MTTP: variants seen among roughly 807,000 people sequenced by gnomAD.
MTTP encodes the protein microsomal triglyceride transfer protein large subunit.
A neutral mutation model predicts 90.6 loss-of-function variants in MTTP; 49 were observed. The ratio of observed to expected loss-of-function variants is 0.54; its 90% CI spans 0.43 to 0.69. The LOEUF is 0.69. MTTP is among the 30% of genes least tolerant of loss of function. MTTP has a pLI of 0.00. For synonymous variants in MTTP, 347 were observed against 384.2 expected (o/e 0.90, Z 1.13); for missense variants, 945 against 1,067.5 (o/e 0.89, Z 1.60).
chr4:99,564,465 A>C lies in MTTP; in HGVS notation c.-102+228A>C, dbSNP rs1205892675. On this transcript the variant is annotated intron_variant, in intron 1 of 18. Transcript: ENST00000457717. ...ACAATAAAATGCATTTAAATTTAGA[A>C]TCTGTAAGGCTTTTTTATGGCTGAA... is the stretch of plus-strand genomic sequence containing the variant. The C allele has an allele frequency of 1.5e-5, 7 of 482,246 alleles. No homozygotes were observed. In the East Asian group the frequency reaches 2.5e-4, roughly 17 times the overall value. 29.9% of individuals were successfully genotyped at this position (482,246 alleles called of 1,614,324 possible).
intron 16 of MTTP, 88 bp from the exon 17 acceptor site, chr4:99,620,973 C>T (rs139049515): frequency 4.7e-5 from 60 of 1,265,204 alleles, no homozygotes; most frequent in Middle Eastern, 2.4e-4. Flanking sequence ...TGGCATCATA[C>T]GTTCAGACCC....
chr4:99,573,801 T>C (rs1054911050), upstream of MTTP, among the ~76,000 whole-genome samples: 1 of 152,170 alleles, frequency 6.6e-6, no homozygotes, highest in Non-Finnish European at 1.5e-5. Flanking sequence ...TTAAATACAT[T>C]CAAATAGCCC....
At chr4:99,583,726 C>T in intron 3 of MTTP, 1 of 634,800 alleles carries the variant, frequency 1.6e-6, no homozygotes, top group Non-Finnish European at 2.7e-6. Context: ...AATTTGTTTC[C>T]TATTTTTCTG....
chr4:99,611,211 C>A lies in MTTP; in HGVS notation c.1838C>A (p.Ser613Tyr). 1.9e-6 allele frequency: 3 copies of A among 1,613,980 alleles called. No homozygotes were observed. The highest frequency in any genetic ancestry group is 2.5e-6 in the Non-Finnish European group (3 of 1,179,930). ...TATGACCGTTTCTCCAGGAGTGGAT[C>A]TTCTTCTGCCTACACTGGCTACATA... The part of the protein sequence containing the change: ...HNYDRFSRSG[S>Y]SSAYTGYIER... The change falls in exon 13 of 18, where the codon TCT (serine) becomes TAT (tyrosine). Residue 613 changes from serine (S) to tyrosine (Y), a missense_variant. Coordinates refer to ENST00000265517, the MANE Select transcript of MTTP (RefSeq NM_001386140.1).
At chr4:99,580,742 A>C (rs12648918) in intron 1 of MTTP, among the ~76,000 whole-genome samples, 21,540 of 151,952 alleles carry the variant, frequency 0.14, 1,924 homozygotes, top group East Asian at 0.43. Flanking sequence ...AAATAAGTTA[A>C]TACATGTAAC....
At position 99,594,753 on chromosome 4, in the gene MTTP, C is replaced by T; in HGVS notation, c.779C>T (p.Thr260Ile). The T allele has an allele frequency of 3.1e-6, 5 of 1,613,976 alleles. No homozygotes were observed. The highest frequency in any genetic ancestry group is 2.5e-6 in the Non-Finnish European group (3 of 1,179,890). The change falls in exon 7 of 18, where the codon ACA (threonine) becomes ATA (isoleucine). Residue 260 changes from threonine (T) to isoleucine (I), a missense_variant. Physicochemically the swap from Thr to Ile is moderately conservative, Grantham distance 89 (BLOSUM62 -1). Transcript: ENST00000265517. ...IVSKQKLELK[T>I]TEAGPRLMSG... is the part of the protein sequence containing the mutation. ...TGCAGGCAGAAATTAGAGCTGAAGA[C>T]AACCGAAGCAGGCCCAAGATTGATG...
At chr4:99,610,886 T>A (rs1468365182) in intron 12 of MTTP, among the ~76,000 whole-genome samples, 1 of 152,204 alleles carries the variant, frequency 6.6e-6, no homozygotes, top group Non-Finnish European at 1.5e-5. Flanking sequence ...ACTAGTCAAC[T>A]TAAGCCACCT....
At chr4:99,564,173 G>T in exon 1 of MTTP, 1 of 1,535,578 alleles carries the variant, frequency 6.5e-7, no homozygotes. Context: ...TTACAGTGAT[G>T]TCTGTTTTTT....
intron 1 of MTTP, among the ~76,000 whole-genome samples, chr4:99,577,889 A>T (rs1053752745): frequency 6.6e-6 from 1 of 151,952 alleles, no homozygotes; most frequent in Non-Finnish European, 1.5e-5. Flanking sequence ...CACTTCCTTC[A>T]TTTCCAGTCT....
At chr4:99,611,055 T>C in intron 12 of MTTP, 88 bp from the exon 13 acceptor site, 1 of 1,452,038 alleles carries the variant, frequency 6.9e-7, no homozygotes. Context: ...TCCTCTTTTT[T>C]CCACTGAGGA....
At chr4:99,607,030 T>A in intron 11 of MTTP, 70 bp downstream of exon 11, 1 of 1,357,928 alleles carries the variant, frequency 7.4e-7, no homozygotes. Flanking sequence ...ATGAGTCAAA[T>A]GCAAATTCCG....
intron 1 of MTTP, among the ~76,000 whole-genome samples, chr4:99,581,675 T>G (rs1037392822): frequency 1.3e-5 from 2 of 152,164 alleles, no homozygotes; most frequent in African/African-American, 4.8e-5. Flanking sequence ...GGATAAGTGA[T>G]TAGGAATACA....
rs766027243 is a variant in MTTP, at chr4:99,622,665, G to A, written c.2514-12G>A. ...TGTGTGTAATTCTGTTATTGTTGCT[G>A]TTGTTGTACAGGCAATTTGAGAAAA... On this transcript the variant is annotated splice_polypyrimidine_tract_variant and intron_variant, in intron 17 of 17. Coordinates refer to ENST00000265517, the MANE Select transcript of MTTP (RefSeq NM_001386140.1). The A allele has an allele frequency of 5.6e-6, 9 of 1,613,410 alleles. No homozygotes were observed. The South Asian group carries it at 8.8e-5, about 16-fold the overall frequency.
intron 12 of MTTP, among the ~76,000 whole-genome samples, chr4:99,609,411 C>T (rs1300299951): frequency 6.6e-6 from 1 of 152,124 alleles, no homozygotes; most frequent in Non-Finnish European, 1.5e-5. Context: ...AAATCTTAGG[C>T]ACGGCCCACA....
In MTTP at chr4:99,594,778, G is replaced by T; in HGVS notation, c.804G>T (p.Met268Ile). Residue 268 changes from methionine (M) to isoleucine (I), a missense_variant, in exon 7 of 18, where the codon ATG becomes ATT. Met to Ile is a conservative substitution (Grantham distance 10). Coordinates refer to ENST00000265517, the MANE Select transcript of MTTP (RefSeq NM_001386140.1). Reference protein sequence around the residue: ...LKTTEAGPRLMSGKQAAAIIK... With the variant: ...LKTTEAGPRLISGKQAAAIIK... Reference sequence around the variant, plus strand: ...CAACCGAAGCAGGCCCAAGATTGATGTCTGGAAAGCAGGCTGCAGCCATAA... The same window carrying T: ...CAACCGAAGCAGGCCCAAGATTGATTTCTGGAAAGCAGGCTGCAGCCATAA... The T allele has an allele frequency of 6.2e-7, 1 of 1,614,038 alleles. No individual in the cohort carries two copies. The highest frequency in any genetic ancestry group is 8.5e-7 in the Non-Finnish European group (1 of 1,179,934).
At chr4:99,564,386 C>T in intron 1 of MTTP, 1 of 708,570 alleles carries the variant, frequency 1.4e-6, no homozygotes, top group Non-Finnish European at 2.2e-6. Flanking sequence ...TACCATATCA[C>T]ATGATTTTAC....
rs201464944 is a variant in MTTP at position 99,582,016 on chromosome 4, G to C, written c.173G>C (p.Arg58Pro). 1 of 1,614,174 alleles carries C rather than the reference G, an allele frequency of 6.2e-7. No homozygotes were observed. Among genetic ancestry groups the C allele is most frequent in the Non-Finnish European group, 8.5e-7 (1 of 1,180,006 alleles). The change falls in exon 2 of 18, where the codon CGC (arginine) becomes CCC (proline). Residue 58 changes from arginine (R) to proline (P), a missense_variant. Transcript: ENST00000265517. Reference protein sequence around the residue: ...KGKLQDSVGYRISSNVDVALL... With the variant: ...KGKLQDSVGYPISSNVDVALL... Reference sequence around the variant, plus strand: ...AAACTGCAAGACAGCGTGGGCTACCGCATTTCCTCCAACGTGGATGTGGCC... The same window carrying C: ...AAACTGCAAGACAGCGTGGGCTACCCCATTTCCTCCAACGTGGATGTGGCC...
chr4:99,580,035 CAAAAAAAAAAAA>C (rs34092272), intron 1 of MTTP, among the ~76,000 whole-genome samples: 5 of 60,620 alleles, frequency 8.2e-5, no homozygotes, highest in Middle Eastern at 0.011. Flanking sequence ...GACCCTGTCT[CAAAAAAAAAAAA>C]AAAAAAAAAG....
At chr4:99,579,666 C>T (rs1250660103) in intron 1 of MTTP, among the ~76,000 whole-genome samples, 1 of 152,076 alleles carries the variant, frequency 6.6e-6, no homozygotes, top group Non-Finnish European at 1.5e-5. Flanking sequence ...TTCTCCATCG[C>T]ATTTAAATGT....
Sources: allele counts gnomAD v4.1 joint callset (sites outside exome capture counted in the v4.1 genomes callset), GRCh38; gene constraint gnomAD v4.1.1; transcripts MANE v1.5; gene names NCBI Gene and HGNC (gene_info 2026-07-23, HGNC 2026-07-21).